Variants in GAB1 observed in about 807,000 individuals in gnomAD.
The protein encoded by GAB1 is GRB2-associated-binding protein 1.
In GAB1, 19 loss-of-function variants were observed where a neutral mutation model predicts 66.5. That is an observed-to-expected ratio of 0.29 (90% CI 0.20 to 0.42). The LOEUF (loss-of-function observed/expected upper bound fraction) is 0.42. Ranked by LOEUF, GAB1 falls within the 10% of genes least tolerant of loss-of-function variation. The pLI is 1.00. For missense variants in GAB1, 732 were observed against 858.5 expected, an observed-to-expected ratio of 0.85 and a Z score of 1.84; for synonymous variants, 294 against 301.4, an observed-to-expected ratio of 0.98 and a Z score of 0.25.
In GAB1 at chr4:143,472,583, C is replaced by G. The variant is rs1021180560; in HGVS notation, c.*3394C>G. Reference sequence around the variant, plus strand: ...ATACTGATCATAATTCTTGGGTGTTCACAAACACTCCTAGTGCCTCTTTTT... The same window carrying G: ...ATACTGATCATAATTCTTGGGTGTTGACAAACACTCCTAGTGCCTCTTTTT... On this transcript the variant is annotated 3_prime_UTR_variant, in exon 10 of 10. Coordinates refer to ENST00000262994, the MANE Select transcript of GAB1 (RefSeq NM_002039.4). 3.9e-5 allele frequency: 6 copies of G among 152,122 alleles called. No homozygotes were observed. The highest frequency in any genetic ancestry group is 1.4e-4 in the African/African-American group (6 of 41,424). 9.4% of individuals were successfully genotyped at this position (152,122 alleles called of 1,614,324 possible).
intron 2 of GAB1, among the ~76,000 whole-genome samples, chr4:143,421,819 T>A (rs1250800235): frequency 6.6e-6 from 1 of 151,840 alleles, no homozygotes; most frequent in Non-Finnish European, 1.5e-5. Context: ...TTCTTAGGCC[T>A]TCAAACCTCT....
chr4:143,348,902 A>C (rs568554133), intron 1 of GAB1, among the ~76,000 whole-genome samples: 1 of 152,286 alleles, frequency 6.6e-6, no homozygotes, highest in South Asian at 2.1e-4. Context: ...CTCCTCCAGG[A>C]GTCCTTGACA....
rs533759882 is a variant in GAB1, at chr4:143,415,954, T to G, written c.367+183T>G. On this transcript the variant is annotated intron_variant, in intron 2 of 9. Transcript: ENST00000262994. ...TTTGGGGAGAAGCTGTTTACCAGTT[T>G]TAGAGCGACAGACTTAGACATATTG... 1.4e-4 allele frequency among the ~76,000 whole-genome samples: 21 copies of G among 152,324 alleles called. 1 individual carries two copies. The highest frequency in any genetic ancestry group is 4.3e-4 in the African/African-American group (18 of 41,590).
At chr4:143,429,760 G>C (rs541495048) in intron 2 of GAB1, among the ~76,000 whole-genome samples, 1 of 152,288 alleles carries the variant, frequency 6.6e-6, no homozygotes, top group South Asian at 2.1e-4. Flanking sequence ...TTCTCCAATT[G>C]CATCCTGTTG....
At chr4:143,391,383 G>A (rs1480401966) in intron 1 of GAB1, 1 of 152,096 alleles carries the variant, frequency 6.6e-6, no homozygotes, top group African/African-American at 2.4e-5. Context: ...GCAGTAGAAG[G>A]GATGGGAATG....
At chr4:143,355,594 A>T (rs1298753742) in intron 1 of GAB1, among the ~76,000 whole-genome samples, 1 of 152,148 alleles carries the variant, frequency 6.6e-6, no homozygotes, top group African/African-American at 2.4e-5. Context: ...GTCTTTATGC[A>T]AATACCTTTC....
chr4:143,393,023 A>G (rs1332069037), intron 1 of GAB1, among the ~76,000 whole-genome samples: 2 of 151,798 alleles, frequency 1.3e-5, no homozygotes, highest in African/African-American at 4.8e-5. Flanking sequence ...TGATTTTTGC[A>G]TTTTCTTTAC....
intron 1 of GAB1, among the ~76,000 whole-genome samples, chr4:143,402,960 G>A (rs958503641): frequency 2.6e-5 from 4 of 152,150 alleles, no homozygotes; most frequent in Non-Finnish European, 4.4e-5. Flanking sequence ...AGACACAGTC[G>A]GTTGTTGTCT....
At chr4:143,462,726 T>C (rs1352920723) in intron 8 of GAB1, among the ~76,000 whole-genome samples, 1 of 152,064 alleles carries the variant, frequency 6.6e-6, no homozygotes, top group Non-Finnish European at 1.5e-5. Context: ...AGTAGCGCGA[T>C]CTCAACTCAC....
At chr4:143,338,688 A>G (rs1397259054) in intron 1 of GAB1, among the ~76,000 whole-genome samples, 1 of 141,644 alleles carries the variant, frequency 7.1e-6, no homozygotes, top group Non-Finnish European at 1.5e-5. Flanking sequence ...TTTTTTTTCC[A>G]GCTGTTCTAA....
intron 1 of GAB1, among the ~76,000 whole-genome samples, chr4:143,356,740 A>G (rs956664758): frequency 6.6e-6 from 1 of 152,196 alleles, no homozygotes; most frequent in African/African-American, 2.4e-5. Context: ...CATATTTTGA[A>G]TAACTGTATT....
rs192409044 is a variant in GAB1 at position 143,372,574 on chromosome 4, C to T, written c.72+35314C>T. On this transcript the variant is annotated intron_variant, in intron 1 of 9. Coordinates refer to ENST00000262994, the MANE Select transcript of GAB1 (RefSeq NM_002039.4). The stretch of plus-strand genomic sequence containing the variant: ...CTGTGGCTTAAATTGGGTCTGAAGT[C>T]ATTCTGAGTCAACTGTGTAATGCAG... Among the ~76,000 whole-genome samples, 573 of 152,308 alleles carry T rather than the reference C, an allele frequency of 3.8e-3. 1 individual carries two copies. The highest frequency in any genetic ancestry group is 5.7e-3 in the Non-Finnish European group (391 of 68,026).
chr4:143,381,684 G>C (rs1730664292), intron 1 of GAB1, among the ~76,000 whole-genome samples: 1 of 152,174 alleles, frequency 6.6e-6, no homozygotes, highest in Non-Finnish European at 1.5e-5. Context: ...TTTGTTGTTA[G>C]AGTTCAGTGA....
intron 1 of GAB1, among the ~76,000 whole-genome samples, chr4:143,390,108 G>T (rs3792652): frequency 6.6e-6 from 1 of 151,936 alleles, no homozygotes; most frequent in Non-Finnish European, 1.5e-5. Context: ...TCATAGTGCT[G>T]GTTCGAGGTA....
chr4:143,450,734 C>CA (rs1296770762), intron 6 of GAB1, among the ~76,000 whole-genome samples: 2 of 151,754 alleles, frequency 1.3e-5, no homozygotes, highest in African/African-American at 4.8e-5. Flanking sequence ...AGTAAAAATA[C>CA]AAAAAAATTA....
chr4:143,421,205 G>C (rs1252763670), intron 2 of GAB1, among the ~76,000 whole-genome samples: 3 of 152,114 alleles, frequency 2.0e-5, no homozygotes, highest in Non-Finnish European at 2.9e-5. Flanking sequence ...TATTAAGCCT[G>C]TGAGATTCAT....
chr4:143,366,646 C>T (rs185514334), intron 1 of GAB1, among the ~76,000 whole-genome samples: 55 of 152,162 alleles, frequency 3.6e-4, no homozygotes, highest in Admixed American at 3.6e-3. Context: ...CATACATACG[C>T]AGGCACACTC....
intron 1 of GAB1, among the ~76,000 whole-genome samples, chr4:143,358,904 GA>G (rs1416053892): frequency 2.0e-5 from 3 of 152,204 alleles, no homozygotes; most frequent in Non-Finnish European, 4.4e-5. Context: ...ACTATGAAGA[GA>G]AAGTGAATGA....
chr4:143,428,711 A>G (rs111705443), intron 2 of GAB1, among the ~76,000 whole-genome samples: 4,142 of 152,162 alleles, frequency 0.027, 107 homozygotes, highest in South Asian at 0.11. Context: ...ATAATGACAA[A>G]TGTATGAGAA....
Sources: gnomAD v4.1 joint callset for allele counts (sites outside exome capture counted in the v4.1 genomes callset) on GRCh38, gnomAD v4.1.1 for gene constraint, MANE v1.5 for transcripts, NCBI Gene and HGNC (gene_info 2026-07-23, HGNC 2026-07-21) for gene names.